MZF1: variants seen among roughly 807,000 people sequenced by gnomAD.
The protein encoded by MZF1 is myeloid zinc finger 1.
MZF1 carries 24 observed loss-of-function variants against 28.6 expected under a neutral mutation model. The ratio of observed to expected loss-of-function variants is 0.84; its 90% CI spans 0.61 to 1.18. The LOEUF is 1.18. Among genes scored for constraint, MZF1 ranks in the 50% most tolerant of loss-of-function variants. The pLI is 0.00. For missense variants in MZF1, 1,166 were observed against 1,026.4 expected, an observed-to-expected ratio of 1.14 and a Z score of -1.86; for synonymous variants, 516 against 432.5, an observed-to-expected ratio of 1.19 and a Z score of -2.40.
At position 58,570,356 on chromosome 19, in the gene MZF1, T is replaced by C. The variant is rs1206613911; in HGVS notation, c.568A>G (p.Thr190Ala). The change falls in exon 3 of 6, where the codon ACA becomes GCA. Residue 190 changes from threonine (T) to alanine (A), a missense_variant. Physicochemically the swap from Thr to Ala is moderately conservative, Grantham distance 58 (BLOSUM62 0). Transcript: ENST00000215057. ...TGCATGCCCTCACCTGAGTCCTCTGTAACCTCTGACTCCTCTTTCACCTGC... is the reference window on the plus strand; with the variant it reads ...TGCATGCCCTCACCTGAGTCCTCTGCAACCTCTGACTCCTCTTTCACCTGC... Reference protein sequence around the residue: ...GLQVKEESEVTEDSDFLESGP... With the variant: ...GLQVKEESEVAEDSDFLESGP... The C allele has an allele frequency of 1.2e-6, 2 of 1,612,444 alleles. No individual in the cohort carries two copies. Among genetic ancestry groups the C allele is most frequent in the South Asian group, 2.2e-5 (2 of 91,012 alleles).
chr19:58,565,683 C>A (rs2054037201), intron 5 of MZF1, among the ~76,000 whole-genome samples: 1 of 151,580 alleles, frequency 6.6e-6, no homozygotes, highest in Non-Finnish European at 1.5e-5. Flanking sequence ...CAGGCGCCCG[C>A]CACCACGCCT....
At position 58,562,367 on chromosome 19, in the gene MZF1, A is replaced by C. The variant is rs1600095200; in HGVS notation, c.1910T>G (p.Val637Gly). Residue 637 changes from valine to glycine, a missense_variant, in exon 6 of 6, where the codon GTC becomes GGC. Val to Gly is a moderately radical substitution (Grantham distance 109). Transcript: ENST00000215057. ...CGECGLGFTQ[V>G]SRLTEHQRIH... ...GCGCTGGTGCTCGGTGAGCCGCGAG[A>C]CCTGCGTGAAGCCCAGGCCGCACTC... 1 of 1,585,688 alleles carries C rather than the reference A, an allele frequency of 6.3e-7. No homozygotes were observed.
At chr19:58,567,368 T>C (rs962675235) in intron 5 of MZF1, among the ~76,000 whole-genome samples, 1 of 152,212 alleles carries the variant, frequency 6.6e-6, no homozygotes, top group Admixed American at 6.5e-5. Context: ...GAGCCAACAG[T>C]ATGCACTGCC....
chr19:58,563,232 CAGT>C lies in MZF1; in HGVS notation c.1042_1044del (p.Thr348del), dbSNP rs758397420. 26 of 1,610,252 alleles carry C rather than the reference CAGT, an allele frequency of 1.6e-5. No homozygotes were observed. In the African/African-American group the frequency reaches 2.9e-4, roughly 18 times the overall value. On this transcript the variant is annotated inframe_deletion, in exon 6 of 6. Transcript: ENST00000215057. ...CGGCCGCCCCTAACCACCCCGCCCCCAGTGCTGGGGCGGCCCCGGCTCCGGCCC... is the reference window on the plus strand; with the variant it reads ...CGGCCGCCCCTAACCACCCCGCCCCCGCTGGGGCGGCCCCGGCTCCGGCCC...
Position 58,562,696 on chromosome 19 carries a change from C to A in MZF1, c.1581G>T (p.Val527=). ...TGTGCACGCGCCGGTGCTGCAGCAGCACTGAGCGGCGGCCGAAGCGCTCGC... is the reference window on the plus strand; with the variant it reads ...TGTGCACGCGCCGGTGCTGCAGCAGAACTGAGCGGCGGCCGAAGCGCTCGC... ...ECGERFGRRS[V]LLQHRRVHSG... is the part of the protein sequence containing the mutation. The change falls in exon 6 of 6, where the codon GTG becomes GTT. Residue 527 remains valine, a synonymous_variant. Coordinates refer to ENST00000215057, the MANE Select transcript of MZF1 (RefSeq NM_198055.2). 1 of 1,536,260 alleles carries A rather than the reference C, an allele frequency of 6.5e-7. No homozygotes were observed. The highest frequency in any genetic ancestry group is 1.2e-5 in the South Asian group (1 of 84,316).
In MZF1 at chr19:58,569,583, A is replaced by C; in HGVS notation, c.584T>G (p.Phe195Cys). Reference protein sequence around the residue: ...EESEVTEDSDFLESGPLAATQ... With the variant: ...EESEVTEDSDCLESGPLAATQ... ...GGCAGCTAGAGGCCCAGACTCCAGG[A>C]AATCTAGAGAGGAAAACTGGTATCA... The change falls in exon 4 of 6, where the codon TTC becomes TGC. Residue 195 changes from phenylalanine to cysteine, a missense_variant. Physicochemically the swap from Phe to Cys is radical, Grantham distance 205 (BLOSUM62 -2). Transcript: ENST00000215057. The C allele has an allele frequency of 1.9e-6, 3 of 1,600,332 alleles. No homozygotes were observed. Among genetic ancestry groups the C allele is most frequent in the Non-Finnish European group, 2.6e-6 (3 of 1,171,924 alleles).
rs974082363 is a variant in MZF1, at chr19:58,562,788, G to C, written c.1489C>G (p.Arg497Gly). The change falls in exon 6 of 6, where the codon CGC (arginine) becomes GGC (glycine). Residue 497 changes from arginine to glycine, a missense_variant. By Grantham distance (125) the Arg-to-Gly change is moderately radical. Coordinates refer to ENST00000215057, the MANE Select transcript of MZF1 (RefSeq NM_198055.2). Reference protein sequence around the residue: ...CSECRESFARRAVLLEHQAVH... With the variant: ...CSECRESFARGAVLLEHQAVH... ...GCCTGGTGCTCCAGCAGCACGGCGC[G>C]CCGCGCGAAGCTCTCGCGGCACTCG... is the stretch of plus-strand genomic sequence containing the variant. 5 of 1,534,232 alleles carry C rather than the reference G, an allele frequency of 3.3e-6. No homozygotes were observed. Among genetic ancestry groups the C allele is most frequent in the Admixed American group, 2.0e-5 (1 of 50,964 alleles).
chr19:58,562,960 A>G lies in MZF1; in HGVS notation c.1317T>C (p.Pro439=), dbSNP rs1404255644. 2 of 1,600,044 alleles carry G rather than the reference A, an allele frequency of 1.2e-6. No individual in the cohort carries two copies. The highest frequency in any genetic ancestry group is 2.7e-5 in the African/African-American group (2 of 74,846). ...EHRRVHTGEQ[P]FRCAECGQSF... Reference sequence around the variant, plus strand: ...TCTGGCCGCACTCAGCGCAACGGAAAGGCTGTTCGCCCGTGTGCACTCTCC... The same window carrying G: ...TCTGGCCGCACTCAGCGCAACGGAAGGGCTGTTCGCCCGTGTGCACTCTCC... Residue 439 remains proline, a synonymous_variant, in exon 6 of 6, where the codon CCT becomes CCC. Transcript: ENST00000215057.
At chr19:58,565,658 G>A (rs557761399) in intron 5 of MZF1, among the ~76,000 whole-genome samples, 5 of 151,666 alleles carry the variant, frequency 3.3e-5, no homozygotes, top group Admixed American at 1.3e-4. Context: ...TCAGCCACCC[G>A]AGTAGATGGG....
In MZF1 at chr19:58,571,191, C is replaced by G; in HGVS notation, c.199G>C (p.Glu67Gln). 5 of 1,613,396 alleles carry G rather than the reference C, an allele frequency of 3.1e-6. No homozygotes were observed. Among genetic ancestry groups the G allele is most frequent in the Non-Finnish European group, 4.2e-6 (5 of 1,179,680 alleles). ...GPQEALAQLR[E>Q]LCRQWLRPEV... ...GGACGCAGCCACTGGCGACACAGCT[C>G]TCGGAGCTGGGCCAGGGCCTCTTGG... The change falls in exon 2 of 6, where the codon GAG becomes CAG. Residue 67 changes from glutamate (E) to glutamine (Q), a missense_variant. Glu to Gln is a conservative substitution (Grantham distance 29, BLOSUM62 2). Coordinates refer to ENST00000215057, the MANE Select transcript of MZF1 (RefSeq NM_198055.2).
At chr19:58,568,993 A>C in intron 5 of MZF1, 1 of 314,590 alleles carries the variant, frequency 3.2e-6, no homozygotes, top group African/African-American at 2.2e-5. Context: ...ACTGGGAGAG[A>C]ATGTGGGTAC....
At chr19:58,564,111 C>G (rs986234743) in intron 5 of MZF1, 1 of 152,238 alleles carries the variant, frequency 6.6e-6, no homozygotes, top group African/African-American at 2.4e-5. Flanking sequence ...CAGCGTCAGA[C>G]GCTGGGTGAA....
At chr19:58,563,766 T>C (rs981266258) in intron 5 of MZF1, 1 of 404,200 alleles carries the variant, frequency 2.5e-6, no homozygotes, top group African/African-American at 2.1e-5. Flanking sequence ...AAAATCGTTT[T>C]TGGAAGGGCT....
At chr19:58,570,199 TG>T in intron 3 of MZF1, 144 bp downstream of exon 3, 1 of 856,432 alleles carries the variant, frequency 1.2e-6, no homozygotes, top group Non-Finnish European at 1.8e-6. Context: ...GAGACCTGAC[TG>T]GGTAGAATGT....
intron 5 of MZF1, chr19:58,564,454 A>C (rs1268460172): frequency 1.3e-5 from 2 of 152,264 alleles, no homozygotes; most frequent in Non-Finnish European, 2.9e-5. Context: ...CCTCATAGAC[A>C]CATGGGCAAA....
intron 5 of MZF1, among the ~76,000 whole-genome samples, chr19:58,565,339 C>T (rs1052770192): frequency 6.8e-6 from 1 of 147,988 alleles, no homozygotes; most frequent in Admixed American, 6.7e-5. Flanking sequence ...GGTGATCTGC[C>T]CACTTCAGCC....
At chr19:58,565,385 C>T (rs2054028068) in intron 5 of MZF1, among the ~76,000 whole-genome samples, 1 of 147,992 alleles carries the variant, frequency 6.8e-6, no homozygotes, top group African/African-American at 2.7e-5. Flanking sequence ...TGAGCCACCG[C>T]ACCTAGCCAA....
chr19:58,570,387 C>T lies in MZF1; in HGVS notation c.537G>A (p.Leu179=), dbSNP rs1383285409. 1.2e-6 allele frequency: 2 copies of T among 1,613,654 alleles called. No individual in the cohort carries two copies. Among genetic ancestry groups the T allele is most frequent in the Non-Finnish European group, 1.7e-6 (2 of 1,179,670 alleles). Reference sequence around the variant, plus strand: ...CTGACTCCTCTTTCACCTGCAGGCCCAGTGGTGATTCCTGCATAGTCCTAG... The same window carrying T: ...CTGACTCCTCTTTCACCTGCAGGCCTAGTGGTGATTCCTGCATAGTCCTAG... ...TPPRTMQESP[L]GLQVKEESEV... The change falls in exon 3 of 6, where the codon CTG becomes CTA. Residue 179 remains leucine, a synonymous_variant. Coordinates refer to ENST00000215057, the MANE Select transcript of MZF1 (RefSeq NM_198055.2).
At position 58,563,319 on chromosome 19, in the gene MZF1, CGTCCGTGGG is replaced by C; in HGVS notation, c.949_957del (p.Pro317_Asp319del). On this transcript the variant is annotated inframe_deletion, in exon 6 of 6. Transcript: ENST00000215057. ...GGGCCCACACCCCGGCAGGGATCCT[CGTCCGTGGG>C]GTCCTGTTCACTCCTCAGATCGCTG... The C allele has an allele frequency of 3.7e-6, 6 of 1,609,136 alleles. No homozygotes were observed. The highest frequency in any genetic ancestry group is 5.1e-6 in the Non-Finnish European group (6 of 1,178,200).
Sources: allele counts gnomAD v4.1 joint callset (sites outside exome capture counted in the v4.1 genomes callset), GRCh38; gene constraint gnomAD v4.1.1; transcripts MANE v1.5; gene names NCBI Gene and HGNC (gene_info 2026-07-23, HGNC 2026-07-21).